Variants in CMSS1 observed in about 807,000 individuals in gnomAD.
The protein encoded by CMSS1 is protein CMSS1.
A neutral mutation model predicts 43.5 loss-of-function variants in CMSS1; 33 were observed. The observed-to-expected ratio is 0.76, with a 90% confidence interval of 0.57 to 1.01. The LOEUF (loss-of-function observed/expected upper bound fraction) is 1.01. Ranked by LOEUF, CMSS1 falls within the 50% of genes least tolerant of loss-of-function variation. The pLI is 0.00. For missense variants in CMSS1, 313 were observed against 326.4 expected (o/e 0.96, Z 0.32); for synonymous variants, 115 against 117.2 (o/e 0.98, Z 0.12).
intron 1 of CMSS1, among the ~76,000 whole-genome samples, chr3:99,943,703 C>CA (rs1014184491): frequency 0.012 from 1,733 of 139,652 alleles, 34 homozygotes; most frequent in African/African-American, 0.038. Flanking sequence ...GACTCCGTCT[C>CA]AAAAAAAAAA....
intron 1 of CMSS1, among the ~76,000 whole-genome samples, chr3:99,883,506 A>G (rs897795294): frequency 6.6e-6 from 1 of 152,168 alleles, no homozygotes; most frequent in Admixed American, 6.5e-5. Context: ...TTTATAGGCT[A>G]TGTGAATGTG....
At chr3:99,932,851 C>T (rs779678522) in intron 1 of CMSS1, among the ~76,000 whole-genome samples, 6 of 152,170 alleles carry the variant, frequency 3.9e-5, no homozygotes, top group Non-Finnish European at 5.9e-5. Context: ...AGATCGCGCC[C>T]GGCACTCCAG....
At chr3:99,892,601 A>G (rs765761128) in intron 1 of CMSS1, among the ~76,000 whole-genome samples, 20 of 152,350 alleles carry the variant, frequency 1.3e-4, no homozygotes, top group African/African-American at 4.6e-4. Flanking sequence ...AGATGACCTC[A>G]GTAGTTCCAG....
At chr3:100,098,078 G>A (rs1029053108) in intron 1 of CMSS1, among the ~76,000 whole-genome samples, 2 of 152,104 alleles carry the variant, frequency 1.3e-5, no homozygotes, top group African/African-American at 4.8e-5. Context: ...CATAGGTCAG[G>A]GACTACTTTG....
intron 1 of CMSS1, among the ~76,000 whole-genome samples, chr3:99,869,072 G>A (rs148833943): frequency 3.9e-5 from 6 of 152,308 alleles, no homozygotes; most frequent in African/African-American, 1.4e-4. Flanking sequence ...CTTAGGCTGA[G>A]TGGTACCTAA....
At chr3:99,965,518 A>G (rs559061700) in intron 1 of CMSS1, among the ~76,000 whole-genome samples, 2 of 152,174 alleles carry the variant, frequency 1.3e-5, no homozygotes, top group South Asian at 2.1e-4. Context: ...TCTTCCAGAT[A>G]CTTTTCTTCA....
chr3:100,152,483 A>T (rs2066927974), intron 2 of CMSS1, among the ~76,000 whole-genome samples: 1 of 152,020 alleles, frequency 6.6e-6, no homozygotes, highest in African/African-American at 2.4e-5. Context: ...AATATTCCTT[A>T]AGCTTCCTAG....
At position 100,161,252 on chromosome 3, in the gene CMSS1, G is replaced by A. The variant is rs547434676; in HGVS notation, c.225+751G>A. Among the ~76,000 whole-genome samples the A allele has an allele frequency of 3.9e-5, 6 of 152,308 alleles. No homozygotes were observed. In the East Asian group the frequency reaches 1.2e-3, roughly 29 times the overall value. On this transcript the variant is annotated intron_variant, in intron 3 of 9. Coordinates refer to ENST00000421999, the MANE Select transcript of CMSS1 (RefSeq NM_032359.4). ...CAAGCTTTTAGAAAACTGAGAGTGT[G>A]TGTGCATATGTTTTCTTTTCTTACA...
At chr3:99,934,209 A>C (rs1197367616) in intron 1 of CMSS1, among the ~76,000 whole-genome samples, 1 of 152,192 alleles carries the variant, frequency 6.6e-6, no homozygotes, top group Non-Finnish European at 1.5e-5. Flanking sequence ...CCCAGATTCA[A>C]GATTGAGGAA....
rs1280929696 is a variant in CMSS1 at position 99,849,360 on chromosome 3, C to T, written c.64+31317C>T. The stretch of plus-strand genomic sequence containing the variant: ...GGCTCTTACTGAAATGCCGGTACCT[C>T]TCTAACTCCTTAGTGAGGTTTTCAA... On this transcript the variant is annotated intron_variant, in intron 1 of 9. Transcript: ENST00000421999. The T allele has an allele frequency of 2.5e-6, 4 of 1,614,074 alleles. No homozygotes were observed. In the Admixed American group the frequency reaches 5.0e-5, roughly 20 times the overall value.
intron 1 of CMSS1, among the ~76,000 whole-genome samples, chr3:100,044,696 T>G (rs2065253067): frequency 6.6e-6 from 1 of 152,218 alleles, no homozygotes; most frequent in Non-Finnish European, 1.5e-5. Flanking sequence ...ATTTTTTTAA[T>G]GAGGTAAAAA....
intron 1 of CMSS1, among the ~76,000 whole-genome samples, chr3:99,820,307 C>A (rs1942411129): frequency 6.6e-6 from 1 of 151,910 alleles, no homozygotes; most frequent in Admixed American, 6.5e-5. Context: ...AGCGATTCTC[C>A]TGCCTCAGCC....
intron 1 of CMSS1, among the ~76,000 whole-genome samples, chr3:100,075,200 C>G (rs934661355): frequency 5.3e-5 from 8 of 152,152 alleles, no homozygotes; most frequent in African/African-American, 1.9e-4. Context: ...TGAAACACTT[C>G]CTGGTCAGCT....
intron 1 of CMSS1, among the ~76,000 whole-genome samples, chr3:99,934,179 A>G (rs1211637540): frequency 6.6e-6 from 1 of 152,202 alleles, no homozygotes; most frequent in Admixed American, 6.5e-5. Flanking sequence ...CTCATTTGTG[A>G]AAGAATGTCA....
At chr3:100,051,003 T>C (rs1421494212) in intron 1 of CMSS1, among the ~76,000 whole-genome samples, 1 of 152,200 alleles carries the variant, frequency 6.6e-6, no homozygotes, top group Non-Finnish European at 1.5e-5. Flanking sequence ...GGTAGCAGTT[T>C]CTTCTTGCAA....
At chr3:99,940,693 A>C (rs1255644507) in intron 1 of CMSS1, among the ~76,000 whole-genome samples, 1 of 152,200 alleles carries the variant, frequency 6.6e-6, no homozygotes, top group South Asian at 2.1e-4. Flanking sequence ...AGAGAACCCG[A>C]AATTTCCTAC....
At chr3:99,838,403 T>C (rs986461620) in intron 1 of CMSS1, among the ~76,000 whole-genome samples, 1 of 152,152 alleles carries the variant, frequency 6.6e-6, no homozygotes. Flanking sequence ...AGGCGAGCAT[T>C]GATACAGACC....
intron 1 of CMSS1, among the ~76,000 whole-genome samples, chr3:99,987,560 A>C (rs1019603141): frequency 1.3e-5 from 2 of 151,864 alleles, no homozygotes; most frequent in South Asian, 4.2e-4. Flanking sequence ...AGAAAGAAAA[A>C]ATATTTAAGT....
At chr3:100,058,817 C>G (rs1254773579) in intron 1 of CMSS1, among the ~76,000 whole-genome samples, 8 of 152,202 alleles carry the variant, frequency 5.3e-5, no homozygotes, top group African/African-American at 1.7e-4. Flanking sequence ...TCTGGAGCCA[C>G]AGTTTCATAT....
Sources: allele counts gnomAD v4.1 joint callset (sites outside exome capture counted in the v4.1 genomes callset), GRCh38; gene constraint gnomAD v4.1.1; transcripts MANE v1.5; gene names NCBI Gene and HGNC (gene_info 2026-07-23, HGNC 2026-07-21).